The following CACNA1I variants were observed in gnomAD, a reference collection of about 807,000 sequenced individuals.
The protein encoded by CACNA1I is calcium voltage-gated channel subunit alpha1 I.
In CACNA1I, 74 loss-of-function variants were observed where a neutral mutation model predicts 201.6. The observed-to-expected ratio is 0.37, with a 90% CI of 0.30 to 0.45. CACNA1I has a LOEUF of 0.45. Among genes scored for constraint, CACNA1I ranks in the 20% least tolerant of loss-of-function variants. The probability of loss-of-function intolerance (pLI) is 1.00; values close to 1 mark genes in which losing one functional copy is unlikely to be tolerated. For synonymous variants in CACNA1I, 1,431 were observed against 1,345.2 expected (o/e 1.06, Z -1.40); for missense variants, 2,346 against 3,138.1 (o/e 0.75, Z 6.03).
chr22:39,641,271 C>A (rs972593952), intron 6 of CACNA1I, 89 bp downstream of exon 6: 9 of 1,117,392 alleles, frequency 8.1e-6, no homozygotes, highest in South Asian at 1.5e-5. Context: ...ATTTGCCAGC[C>A]CTCATCTCAC....
chr22:39,611,589 A>T (rs1933389044), intron 3 of CACNA1I, among the ~76,000 whole-genome samples: 1 of 151,980 alleles, frequency 6.6e-6, no homozygotes, highest in Admixed American at 6.6e-5. Context: ...TGCCAAGACT[A>T]CTCTGGAGTA....
chr22:39,623,325 AGT>A (rs1025559660), intron 4 of CACNA1I, among the ~76,000 whole-genome samples: 3 of 151,150 alleles, frequency 2.0e-5, no homozygotes, highest in East Asian at 2.0e-4. Flanking sequence ...TACATGGGAG[AGT>A]GTGTGTGCAT....
At chr22:39,681,812 G>C (rs1307295816) in intron 34 of CACNA1I, among the ~76,000 whole-genome samples, 1 of 152,146 alleles carries the variant, frequency 6.6e-6, no homozygotes, top group Non-Finnish European at 1.5e-5. Flanking sequence ...CTCAGAGTAG[G>C]CTGTGGGGCC....
intron 10 of CACNA1I, among the ~76,000 whole-genome samples, chr22:39,652,163 C>T (rs1934671493): frequency 6.6e-6 from 1 of 152,036 alleles, no homozygotes; most frequent in Admixed American, 6.6e-5. Context: ...GCCACCACTC[C>T]CAGCTAATTT....
chr22:39,652,819 T>C (rs1244770494), intron 10 of CACNA1I, among the ~76,000 whole-genome samples: 1 of 152,216 alleles, frequency 6.6e-6, no homozygotes, highest in African/African-American at 2.4e-5. Flanking sequence ...GTGGGAGGTT[T>C]GCTTGAACCC....
chr22:39,605,227 A>G (rs1304837646), intron 3 of CACNA1I, among the ~76,000 whole-genome samples: 1 of 152,056 alleles, frequency 6.6e-6, no homozygotes, highest in Non-Finnish European at 1.5e-5. Context: ...CTGTGGAGGC[A>G]GACATAGCAC....
In CACNA1I at chr22:39,661,096, T is replaced by G; in HGVS notation, c.2699-12T>G. 6.2e-7 allele frequency: 1 copy of G among 1,609,958 alleles called. No individual in the cohort carries two copies. The highest frequency in any genetic ancestry group is 1.3e-5 in the African/African-American group (1 of 74,926). On this transcript the variant is annotated splice_polypyrimidine_tract_variant and intron_variant, in intron 15 of 36. Coordinates refer to ENST00000402142, the MANE Select transcript of CACNA1I (RefSeq NM_021096.4). ...ATCTGTCCCTCCCTCTGTCTCCATC[T>G]CACTCCTCCAGATCCCAAGCTCTGC...
chr22:39,685,415 C>T lies in CACNA1I; in HGVS notation c.6028-346C>T, dbSNP rs1374053730. ...CAGTGGGAGCAGCCAAGGCTGGGGC[C>T]GCGTCAGACCATGGGGGGTGCGGTG... On this transcript the variant is annotated intron_variant, in intron 36 of 36. Transcript: ENST00000402142. The surrounding 1 kb of genome is among the most constrained non-coding windows in gnomAD (Gnocchi z 5.0). 1.6e-5 allele frequency among the ~76,000 whole-genome samples: 2 copies of T among 124,094 alleles called. No individual in the cohort carries two copies. The highest frequency in any genetic ancestry group is 6.5e-5 in the African/African-American group (2 of 31,002). The allele number at this position is 124,094 out of a possible 152,430, so 81.4% of individuals were successfully genotyped here.
At position 39,679,663 on chromosome 22, in the gene CACNA1I, A is replaced by G. The variant is rs58816708; in HGVS notation, c.5395-59A>G. The G allele has an allele frequency of 9.5e-4, 1,407 of 1,479,210 alleles. 16 individuals carry two copies. In the African/African-American group the frequency reaches 0.017, roughly 18 times the overall value. The allele number at this position is 1,479,210 out of a possible 1,614,324, so 91.6% of individuals were successfully genotyped here. A position where few individuals can be genotyped will look rare whatever the true frequency, so the allele number is the denominator to read the frequency against. ...AGGGCAGCTGTGTCCTGCCCACCCC[A>G]CAGCCCCGGGACCCGGCTGATAATC... On this transcript the variant is annotated intron_variant, in intron 32 of 36. Coordinates refer to ENST00000402142, the MANE Select transcript of CACNA1I (RefSeq NM_021096.4).
intron 4 of CACNA1I, among the ~76,000 whole-genome samples, chr22:39,625,595 A>C (rs2146401220): frequency 6.6e-6 from 1 of 152,352 alleles, no homozygotes; most frequent in Admixed American, 6.5e-5. Context: ...TGCTGCTTAC[A>C]GAATCGTATA....
chr22:39,619,899 C>T (rs910839517), intron 4 of CACNA1I, among the ~76,000 whole-genome samples: 6 of 152,178 alleles, frequency 3.9e-5, no homozygotes, highest in African/African-American at 9.6e-5. Context: ...GCCTAGCCAC[C>T]GGTTCATCCA....
chr22:39,606,685 G>A (rs1319801742), intron 3 of CACNA1I, among the ~76,000 whole-genome samples: 4 of 152,066 alleles, frequency 2.6e-5, no homozygotes, highest in Admixed American at 6.6e-5. Context: ...GGCATGCGCC[G>A]CCATGCCGGC....
At chr22:39,656,413 C>T (rs1207745669) in intron 10 of CACNA1I, 3 of 519,022 alleles carry the variant, frequency 5.8e-6, no homozygotes, top group South Asian at 2.8e-5. Flanking sequence ...TAGGTCTCTG[C>T]TGAGATGTCG....
At chr22:39,601,158 G>A (rs1336998929) in intron 3 of CACNA1I, among the ~76,000 whole-genome samples, 1 of 152,122 alleles carries the variant, frequency 6.6e-6, no homozygotes, top group South Asian at 2.1e-4. Context: ...ACCCTGCTCT[G>A]GGTCTTGTGC....
At chr22:39,608,116 C>CAAAAAA (rs147887508) in intron 3 of CACNA1I, among the ~76,000 whole-genome samples, 1 of 106,700 alleles carries the variant, frequency 9.4e-6, no homozygotes, top group African/African-American at 3.7e-5. Context: ...ACTCCATCTC[C>CAAAAAA]AAAAAAAAAA....
chr22:39,645,534 C>G (rs1242540926), intron 7 of CACNA1I, among the ~76,000 whole-genome samples: 1 of 152,172 alleles, frequency 6.6e-6, no homozygotes, highest in Non-Finnish European at 1.5e-5. Context: ...GACAAGGTGA[C>G]TGAGACAAGG....
rs756529601 is a variant in CACNA1I, at chr22:39,679,708, C to T, written c.5395-14C>T. The stretch of plus-strand genomic sequence containing the variant: ...ATAATCCCGCCTGTCCCCACCCCGT[C>T]CCCGTCCGCCTAGGAGAACCTGTGG... On this transcript the variant is annotated splice_polypyrimidine_tract_variant and intron_variant, in intron 32 of 36. Coordinates refer to ENST00000402142, the MANE Select transcript of CACNA1I (RefSeq NM_021096.4). 6.2e-7 allele frequency: 1 copy of T among 1,605,800 alleles called. No individual in the cohort carries two copies. The highest frequency in any genetic ancestry group is 1.1e-5 in the South Asian group (1 of 89,866).
chr22:39,586,703 C>T (rs1419780345), intron 1 of CACNA1I, among the ~76,000 whole-genome samples: 1 of 152,104 alleles, frequency 6.6e-6, no homozygotes. Context: ...CTTGGGAATG[C>T]ACACATGAAC....
At chr22:39,615,087 A>G (rs1270615480) in intron 3 of CACNA1I, among the ~76,000 whole-genome samples, 1 of 152,028 alleles carries the variant, frequency 6.6e-6, no homozygotes, top group African/African-American at 2.4e-5. Flanking sequence ...GCCCTTCCTT[A>G]CCTTCTCTTT....
Sources: gnomAD v4.1 joint callset for allele counts (sites outside exome capture counted in the v4.1 genomes callset) on GRCh38, gnomAD v4.1.1 for gene constraint, Gnocchi (gnomAD v3.1) non-coding constraint, MANE v1.5 for transcripts, NCBI Gene and HGNC (gene_info 2026-07-23, HGNC 2026-07-21) for gene names.